The following CD38 variants were observed in gnomAD, a reference collection of about 807,000 sequenced individuals.
CD38 encodes the protein CD38 molecule, also known as ADP-ribosyl cyclase/cyclic ADP-ribose hydrolase 1.
CD38 carries 31 observed loss-of-function variants against 36.3 expected under a neutral mutation model. The ratio of observed to expected loss-of-function variants is 0.85; its 90% confidence interval spans 0.64 to 1.15. The LOEUF is 1.15. Ranked by LOEUF, CD38 falls within the 50% of genes most tolerant of loss-of-function variation. The probability of loss-of-function intolerance (pLI) is 0.00; values close to 1 mark genes in which losing one functional copy is unlikely to be tolerated. For synonymous variants in CD38, 131 were observed against 135.2 expected (o/e 0.97, Z 0.22); for missense variants, 380 against 371.9 (o/e 1.02, Z -0.18).
intron 2 of CD38, among the ~76,000 whole-genome samples, chr4:15,817,000 G>A (rs953566749): frequency 2.6e-5 from 4 of 152,158 alleles, no homozygotes; most frequent in African/African-American, 9.7e-5. Flanking sequence ...AGTAGTAGTA[G>A]TAATAACAGC....
chr4:15,824,960 C>G lies in CD38; in HGVS notation c.443C>G (p.Thr148Arg), dbSNP rs138866692. The part of the protein sequence containing the change: ...VQRDMFTLED[T>R]LLGYLADDLT... ...CGGGACATGTTCACCCTGGAGGACA[C>G]GCTGCTAGGCTACCTTGCTGATGAC... The change falls in exon 3 of 8, where the codon ACG (threonine) becomes AGG (arginine). Residue 148 changes from threonine to arginine, a missense_variant. Physicochemically the swap from Thr to Arg is moderately conservative, Grantham distance 71. Transcript: ENST00000226279. 1 of 1,613,812 alleles carries G rather than the reference C, an allele frequency of 6.2e-7. No homozygotes were observed. The highest frequency in any genetic ancestry group is 1.1e-5 in the South Asian group (1 of 91,072).
chr4:15,837,984 T>C (rs1724106791), intron 4 of CD38, 108 bp from the exon 5 acceptor site: 9 of 840,638 alleles, frequency 1.1e-5, no homozygotes, highest in Admixed American at 2.2e-5. Context: ...TAAAACCATA[T>C]GGGATATCCT....
rs113665761 is a variant in CD38 at position 15,838,077 on chromosome 4, AT to A, written c.586-4del. The A allele has an allele frequency of 0.06, 57,839 of 956,404 alleles. 1 individual carries two copies. The highest frequency in any genetic ancestry group is 0.11 in the South Asian group (5,305 of 46,562). The allele number at this position is 956,404 out of a possible 1,614,324, so 59.2% of individuals were successfully genotyped here. A position where few individuals can be genotyped will look rare whatever the true frequency, so the allele number is the denominator to read the frequency against. ...TAAGTTTGCATGATGAATGGTGGGC[AT>A]TTTTTTTTTTAAGTTTGCAGAAGCT... On this transcript the variant is annotated splice_polypyrimidine_tract_variant and intron_variant, in intron 4 of 7. Coordinates refer to ENST00000226279, the MANE Select transcript of CD38 (RefSeq NM_001775.4).
chr4:15,839,928 G>C, intron 5 of CD38, 98 bp from the exon 6 acceptor site: 1 of 807,246 alleles, frequency 1.2e-6, no homozygotes, highest in Non-Finnish European at 2.2e-6. Context: ...TAAAGGATAG[G>C]TCCTAGCCAG....
intron 1 of CD38, among the ~76,000 whole-genome samples, chr4:15,809,480 C>A (rs140099627): frequency 6.6e-6 from 1 of 152,152 alleles, no homozygotes; most frequent in African/African-American, 2.4e-5. Flanking sequence ...GTTTGGGAGA[C>A]CTTTTTAGAA....
chr4:15,793,236 C>T (rs1438872735), intron 1 of CD38, among the ~76,000 whole-genome samples: 1 of 151,726 alleles, frequency 6.6e-6, no homozygotes, highest in East Asian at 1.9e-4. Flanking sequence ...CTGCTTGCTA[C>T]TGTGTTTTTC....
At chr4:15,848,481 T>C (rs774079375) in intron 7 of CD38, 58 bp from the exon 8 acceptor site, 5 of 1,340,912 alleles carry the variant, frequency 3.7e-6, no homozygotes, top group Non-Finnish European at 5.3e-6. Flanking sequence ...CATTAGCGAA[T>C]TGGACGACAG....
At chr4:15,793,853 AAAC>A (rs1254077863) in intron 1 of CD38, among the ~76,000 whole-genome samples, 2 of 152,274 alleles carry the variant, frequency 1.3e-5, no homozygotes, top group Non-Finnish European at 2.9e-5. Flanking sequence ...GAAAAAGAAG[AAAC>A]AACAATGCTT....
chr4:15,787,135 G>A (rs749362745), intron 1 of CD38, among the ~76,000 whole-genome samples: 1 of 152,230 alleles, frequency 6.6e-6, no homozygotes, highest in Non-Finnish European at 1.5e-5. Context: ...GCCTGGGCCA[G>A]CCCAGAGAGG....
chr4:15,801,715 C>T (rs1232989470), intron 1 of CD38, among the ~76,000 whole-genome samples: 1 of 152,010 alleles, frequency 6.6e-6, no homozygotes, highest in Non-Finnish European at 1.5e-5. Flanking sequence ...ACAATAGATG[C>T]AGAAAAACAG....
At chr4:15,796,470 A>T (rs944520128) in intron 1 of CD38, among the ~76,000 whole-genome samples, 5 of 152,130 alleles carry the variant, frequency 3.3e-5, no homozygotes, top group African/African-American at 1.2e-4. Context: ...AAATTAAATT[A>T]TTAACATTTT....
chr4:15,826,490 C>CACAA (rs1723853396), intron 3 of CD38, among the ~76,000 whole-genome samples: 1 of 151,990 alleles, frequency 6.6e-6, no homozygotes, highest in Non-Finnish European at 1.5e-5. Context: ...CACACACACA[C>CACAA]ACACACACCT....
At chr4:15,810,052 G>A (rs185937981) in intron 1 of CD38, among the ~76,000 whole-genome samples, 12 of 152,228 alleles carry the variant, frequency 7.9e-5, no homozygotes, top group African/African-American at 1.9e-4. Context: ...CTGAAAGCTC[G>A]GATTCATAAG....
chr4:15,804,563 A>C (rs941956427), intron 1 of CD38, among the ~76,000 whole-genome samples: 1 of 152,216 alleles, frequency 6.6e-6, no homozygotes, highest in South Asian at 2.1e-4. Context: ...AAAATGTGGG[A>C]TATATAGACA....
rs943483566 is a variant in CD38 at position 15,834,054 on chromosome 4, G to A, written c.500-163G>A. 5.3e-5 allele frequency among the ~76,000 whole-genome samples: 8 copies of A among 152,232 alleles called. No homozygotes were observed. In the South Asian group the frequency reaches 1.7e-3, roughly 32 times the overall value. ...GGTAAGAACTTGGAAAGAATTCAGG[G>A]GACACTTAGTTAAATTGGGTCAAAA... On this transcript the variant is annotated intron_variant, in intron 3 of 7. Transcript: ENST00000226279.
At chr4:15,782,936 C>T (rs1722729916) in intron 1 of CD38, among the ~76,000 whole-genome samples, 1 of 152,156 alleles carries the variant, frequency 6.6e-6, no homozygotes, top group African/African-American at 2.4e-5. Flanking sequence ...TCCAGAGAAA[C>T]TCACTTTCTG....
intron 4 of CD38, among the ~76,000 whole-genome samples, chr4:15,836,067 G>T (rs1466687858): frequency 7.2e-5 from 11 of 152,180 alleles, no homozygotes; most frequent in Non-Finnish European, 1.5e-4. Context: ...GACATCTGAG[G>T]AACTGGGGCA....
intron 1 of CD38, among the ~76,000 whole-genome samples, chr4:15,814,657 A>G (rs569656076): frequency 1.1e-4 from 16 of 152,218 alleles, no homozygotes; most frequent in Admixed American, 9.8e-4. Flanking sequence ...TTTTCTGTAT[A>G]TGGCTAGCCA....
chr4:15,778,522 C>T lies in CD38; in HGVS notation c.108C>T (p.Val36=), dbSNP rs755234642. 5.0e-6 allele frequency: 8 copies of T among 1,613,522 alleles called. No homozygotes were observed. The highest frequency in any genetic ancestry group is 2.2e-5 in the East Asian group (1 of 44,876). ...TCAGTATCCTGGTCCTGATCCTCGT[C>T]GTGGTGCTCGCGGTGGTCGTCCCGA... is the stretch of plus-strand genomic sequence containing the variant. ...LGVSILVLIL[V]VVLAVVVPRW... is the part of the protein sequence containing the mutation. The change falls in exon 1 of 8, where the codon GTC becomes GTT. Residue 36 remains valine, a synonymous_variant. Transcript: ENST00000226279. This position sits in a 1 kb window ranked among gnomAD's most constrained non-coding sequence, Gnocchi z 4.9.
Sources: allele counts gnomAD v4.1 joint callset (sites outside exome capture counted in the v4.1 genomes callset), GRCh38; gene constraint gnomAD v4.1.1; non-coding constraint Gnocchi (gnomAD v3.1); transcripts MANE v1.5; gene names NCBI Gene and HGNC (gene_info 2026-07-23, HGNC 2026-07-21).